The following ADGRD2 variants were observed in gnomAD, a reference collection of about 807,000 sequenced individuals.
ADGRD2 encodes the protein adhesion G protein-coupled receptor D2, also known as G protein-coupled receptor PGR24.
ADGRD2 carries 71 observed loss-of-function variants against 44.4 expected under a neutral mutation model. The ratio of observed to expected loss-of-function variants is 1.60; its 90% confidence interval spans 1.32 to 1.95. The LOEUF (loss-of-function observed/expected upper bound fraction) is 1.95, where lower values mean the gene tolerates loss of function less well. Ranked by LOEUF, ADGRD2 falls within the 30% of genes most tolerant of loss-of-function variation. The pLI, the probability that ADGRD2 is intolerant of heterozygous loss-of-function variation, is 0.00. For missense variants in ADGRD2, 1,039 were observed against 512.4 expected, an observed-to-expected ratio of 2.03 and a Z score of -9.92; for synonymous variants, 481 against 224.8, an observed-to-expected ratio of 2.14 and a Z score of -10.19.
At chr9:124,455,083 G>C (rs1372034951) in exon 6 of ADGRD2, 1 of 714,680 alleles carries the variant, frequency 1.4e-6, no homozygotes, top group Admixed American at 2.0e-5. Flanking sequence ...GGCCAGCCTG[G>C]TCCTGGAGGA....
chr9:124,476,743 C>T, intron 21 of ADGRD2, 34 bp downstream of exon 24: 1 of 691,432 alleles, frequency 1.4e-6, no homozygotes, highest in Admixed American at 2.1e-5. Flanking sequence ...CCCCTCTTTT[C>T]TTTTTGGGCC....
chr9:124,451,217 G>A (rs543313198), upstream of ADGRD2: 3 of 471,702 alleles, frequency 6.4e-6, no homozygotes, highest in Non-Finnish European at 8.8e-6. Context: ...CAGAGAACTC[G>A]GCAGAGGCCT....
chr9:124,478,085 C>T (rs958638359), intron 21 of ADGRD2, among the ~76,000 whole-genome samples, 196 bp from the exon 25 acceptor site: 2 of 152,166 alleles, frequency 1.3e-5, no homozygotes, highest in African/African-American at 4.8e-5. Flanking sequence ...GTGTCCTTCG[C>T]GGGGCCGCCA....
At chr9:124,475,391 G>GT in intron 17 of ADGRD2, 55 bp from the exon 21 acceptor site, 1 of 694,362 alleles carries the variant, frequency 1.4e-6, no homozygotes, top group Non-Finnish European at 2.7e-6. Flanking sequence ...AGGCCAGGCT[G>GT]TGGGGGATGG....
In ADGRD2 at chr9:124,453,981, C is replaced by T; in HGVS notation, c.924-18C>T. On this transcript the variant is annotated intron_variant, in intron 3 of 21. Coordinates refer to ENST00000334810, the Ensembl canonical transcript of ADGRD2. ...AGGGTCCCCTAGGGAGCCCTGACAG[C>T]TCCCCTGCCCCTGCCAGTGCCCTCC... The T allele has an allele frequency of 3.0e-6, 2 of 656,052 alleles. No individual in the cohort carries two copies. Among genetic ancestry groups the T allele is most frequent in the Non-Finnish European group, 5.6e-6 (2 of 360,152 alleles). 40.6% of individuals were successfully genotyped at this position (656,052 alleles called of 1,614,324 possible).
upstream of ADGRD2, among the ~76,000 whole-genome samples, chr9:124,450,943 C>T (rs1831454703): frequency 6.6e-6 from 1 of 152,212 alleles, no homozygotes; most frequent in South Asian, 2.1e-4. Context: ...TCTTCCCTGC[C>T]TGCAGAGCCC....
intron 19 of ADGRD2, 32 bp from the exon 23 acceptor site, chr9:124,476,325 C>G (rs780045472): frequency 4.4e-6 from 3 of 681,608 alleles, no homozygotes; most frequent in Non-Finnish European, 8.1e-6. Flanking sequence ...TTCCTGCCTT[C>G]GTCTCTCAAA....
chr9:124,469,391 G>C (rs1356054945), intron 15 of ADGRD2, 36 bp downstream of exon 18: 3 of 718,142 alleles, frequency 4.2e-6, no homozygotes, highest in Admixed American at 4.0e-5. Flanking sequence ...GGCGTGTTGG[G>C]GATGGGGAAG....
intron 17 of ADGRD2, among the ~76,000 whole-genome samples, chr9:124,472,655 T>C (rs1006548275): frequency 3.3e-5 from 5 of 152,106 alleles, no homozygotes; most frequent in African/African-American, 7.2e-5. Flanking sequence ...TACAGGCACC[T>C]GCCACCACGC....
intron 21 of ADGRD2, chr9:124,477,069 C>G (rs199611182): frequency 3.6e-5 from 19 of 535,104 alleles, no homozygotes; most frequent in African/African-American, 2.9e-4. Context: ...AAGCCCAGCA[C>G]CCCCCGTCAC....
At chr9:124,472,696 G>A (rs951260631) in intron 17 of ADGRD2, among the ~76,000 whole-genome samples, 4 of 148,232 alleles carry the variant, frequency 2.7e-5, no homozygotes, top group Non-Finnish European at 4.4e-5. Flanking sequence ...TAGTGGAGAC[G>A]GGGGTCTCAC....
At position 124,476,351 on chromosome 9, in the gene ADGRD2, C is replaced by G. The variant is rs1386628989; in HGVS notation, c.2846-6C>G. The stretch of plus-strand genomic sequence containing the variant: ...GTCTCTCAAAAATTTGCCTTTTCCT[C>G]CCTAGGGACCTATGGCCCTAGAACT... On this transcript the variant is annotated splice_polypyrimidine_tract_variant and splice_region_variant and intron_variant, in intron 19 of 21. Transcript: ENST00000334810. The G allele has an allele frequency of 2.9e-6, 2 of 696,260 alleles. No homozygotes were observed. The highest frequency in any genetic ancestry group is 5.3e-6 in the Non-Finnish European group (2 of 380,360). The allele number at this position is 696,260 out of a possible 1,614,324, so 43.1% of individuals were successfully genotyped here.
intron 10 of ADGRD2, among the ~76,000 whole-genome samples, chr9:124,461,935 C>CG (rs1402541598): frequency 3.3e-5 from 5 of 151,952 alleles, no homozygotes; most frequent in Non-Finnish European, 7.4e-5. Flanking sequence ...TTAGTAGAGA[C>CG]GGGGTTTCAC....
At chr9:124,466,633 A>G (rs1831830081) in intron 11 of ADGRD2, 1 of 364,296 alleles carries the variant, frequency 2.7e-6, no homozygotes, top group Non-Finnish European at 4.9e-6. Flanking sequence ...AACATGGCAA[A>G]ACCCCGTCTC....
intron 10 of ADGRD2, chr9:124,465,845 G>A (rs1831811413): frequency 6.5e-6 from 1 of 154,404 alleles, no homozygotes; most frequent in East Asian, 1.9e-4. Context: ...ATGTGAAGGA[G>A]GAAGCACTCA....
chr9:124,454,747 G>A lies in ADGRD2; in HGVS notation c.1109-96G>A. 1.6e-6 allele frequency: 1 copy of A among 616,314 alleles called. No homozygotes were observed. Among genetic ancestry groups the A allele is most frequent in the South Asian group, 1.8e-5 (1 of 54,388 alleles). 38.2% of individuals were successfully genotyped at this position (616,314 alleles called of 1,614,324 possible). A position where few individuals can be genotyped will look rare whatever the true frequency, so the allele number is the denominator to read the frequency against. On this transcript the variant is annotated intron_variant, in intron 5 of 21. Coordinates refer to ENST00000334810, the Ensembl canonical transcript of ADGRD2. This position sits in a 1 kb window ranked among gnomAD's most constrained non-coding sequence, Gnocchi z 4.5. ...GCGGCTTGTGACAAGTTTAATGGGT[G>A]CCCACCAAGAAGACCCTGGCAAAGC...
At position 124,475,627 on chromosome 9, in the gene ADGRD2, A is replaced by G. The variant is rs1832033526; in HGVS notation, c.2845+12A>G. ...AGAAGGTGGCCGAGGTGCTCAGGGC[A>G]CTGGGGGTGTGGGTGGGGGCGGGAG... On this transcript the variant is annotated intron_variant, in intron 19 of 21. Coordinates refer to ENST00000334810, the Ensembl canonical transcript of ADGRD2. The G allele has an allele frequency of 1.6e-6, 1 of 636,266 alleles. No individual in the cohort carries two copies. Among genetic ancestry groups the G allele is most frequent in the Non-Finnish European group, 2.9e-6 (1 of 343,160 alleles). The allele number at this position is 636,266 out of a possible 1,614,324, so 39.4% of individuals were successfully genotyped here. A position where few individuals can be genotyped will look rare whatever the true frequency, so the allele number is the denominator to read the frequency against.
chr9:124,456,875 C>T (rs1266637103), intron 7 of ADGRD2, 142 bp downstream of exon 10: 3 of 645,580 alleles, frequency 4.6e-6, no homozygotes, highest in African/African-American at 3.6e-5. Context: ...CCAGAATGCC[C>T]TCTCTCCCTC....
In ADGRD2 at chr9:124,467,727, C is replaced by T. The variant is rs1242974772; in HGVS notation, c.2035C>T (p.Pro679Ser). The change falls in exon 12 of 22, where the codon CCT becomes TCT. Residue 679 changes from proline to serine, a missense_variant. By Grantham distance (74) the Pro-to-Ser change is moderately conservative. Transcript: ENST00000334810. ...TCTCTGTCCCTCCACACAGAGAGGC[C>T]CTGAGGAGGAGTCGCTGCTGAGGAC... 7.0e-6 allele frequency: 5 copies of T among 718,292 alleles called. No individual in the cohort carries two copies. In the South Asian group the frequency reaches 7.4e-5, roughly 11 times the overall value. 44.5% of individuals were successfully genotyped at this position (718,292 alleles called of 1,614,324 possible).
Sources: allele counts gnomAD v4.1 joint callset (sites outside exome capture counted in the v4.1 genomes callset), GRCh38; gene constraint gnomAD v4.1.1; non-coding constraint Gnocchi (gnomAD v3.1); transcripts MANE v1.5; gene names NCBI Gene and HGNC (gene_info 2026-07-23, HGNC 2026-07-21).